RBMS3: variants seen among roughly 807,000 people sequenced by gnomAD.
RBMS3 encodes the protein RNA-binding motif, single-stranded-interacting protein 3.
Under a neutral mutation model 66.8 loss-of-function variants are expected in RBMS3, and 27 were observed. The ratio of observed to expected loss-of-function variants is 0.40; its 90% confidence interval spans 0.30 to 0.56. The LOEUF (loss-of-function observed/expected upper bound fraction) is 0.56. Ranked by LOEUF, RBMS3 falls within the 20% of genes least tolerant of loss-of-function variation. RBMS3 has a pLI of 0.40. For missense variants in RBMS3, 513 were observed against 549.5 expected (o/e 0.93, Z 0.66); for synonymous variants, 188 against 183.0 (o/e 1.03, Z -0.22).
intron 10 of RBMS3, among the ~76,000 whole-genome samples, chr3:29,919,567 T>A (rs2060717383): frequency 6.6e-6 from 1 of 152,236 alleles, no homozygotes; most frequent in African/African-American, 2.4e-5. Context: ...TGTCCCTCTA[T>A]ATTTTCAGTG....
chr3:29,306,805 T>C (rs2034044416), intron 1 of RBMS3, among the ~76,000 whole-genome samples: 1 of 151,888 alleles, frequency 6.6e-6, no homozygotes, highest in African/African-American at 2.4e-5. Context: ...CTGGAGTCTT[T>C]CTCAGTTCTT....
intron 3 of RBMS3, among the ~76,000 whole-genome samples, chr3:29,549,873 C>A (rs1271121282): frequency 6.6e-6 from 1 of 151,970 alleles, no homozygotes. Flanking sequence ...CAACAAAGTT[C>A]CCTGGCAGAT....
intron 4 of RBMS3, among the ~76,000 whole-genome samples, chr3:29,713,821 G>A (rs996051269): frequency 2.0e-5 from 3 of 152,126 alleles, no homozygotes; most frequent in Admixed American, 1.3e-4. Context: ...TTGGGAGGCC[G>A]AAGTGGGTAG....
At chr3:29,359,529 A>C (rs143049900) in intron 1 of RBMS3, among the ~76,000 whole-genome samples, 15,269 of 152,172 alleles carry the variant, frequency 0.1, 878 homozygotes, top group East Asian at 0.24. Flanking sequence ...TGTCGCTGCC[A>C]GGCTTTGGTA....
intron 3 of RBMS3, among the ~76,000 whole-genome samples, chr3:29,524,459 G>T (rs1426246405): frequency 4.3e-4 from 30 of 69,100 alleles, no homozygotes; most frequent in South Asian, 2.1e-3. Flanking sequence ...ACGGAGTTTT[G>T]CTCTGTCTCC....
At chr3:29,478,226 G>A (rs2043015350) in intron 2 of RBMS3, among the ~76,000 whole-genome samples, 1 of 151,980 alleles carries the variant, frequency 6.6e-6, no homozygotes, top group Non-Finnish European at 1.5e-5. Context: ...AGTCTATTTG[G>A]GCTACTATAG....
intron 3 of RBMS3, among the ~76,000 whole-genome samples, chr3:29,582,860 G>A (rs900069920): frequency 3.3e-5 from 5 of 152,080 alleles, no homozygotes; most frequent in African/African-American, 1.2e-4. Context: ...GTAATGCAAT[G>A]TTTATTTCTA....
chr3:29,419,127 A>G (rs1416773135), intron 1 of RBMS3, among the ~76,000 whole-genome samples: 1 of 152,164 alleles, frequency 6.6e-6, no homozygotes, highest in Non-Finnish European at 1.5e-5. Context: ...TGCTTGATCA[A>G]AAGGCCAAGA....
intron 1 of RBMS3, among the ~76,000 whole-genome samples, chr3:29,321,343 ATGT>A (rs1302312623): frequency 6.6e-6 from 1 of 152,144 alleles, no homozygotes; most frequent in Non-Finnish European, 1.5e-5. Context: ...CATTTAACAA[ATGT>A]TGTGCTCTAT....
rs547941910 is a variant in RBMS3 at position 29,826,580 on chromosome 3, C to T, written c.638-42278C>T. On this transcript the variant is annotated intron_variant, in intron 6 of 14. Coordinates refer to ENST00000383767, the MANE Select transcript of RBMS3 (RefSeq NM_001003793.3). ...AAAACAACATAATCTTAATATCTGA[C>T]AATTCCTTAGGTTAAAAGCCTGAAA... Among the ~76,000 whole-genome samples, 8 of 152,270 alleles carry T rather than the reference C, an allele frequency of 5.3e-5. No homozygotes were observed. In the East Asian group the frequency reaches 1.5e-3, roughly 29 times the overall value.
chr3:29,510,578 C>T (rs1327421964), intron 3 of RBMS3, among the ~76,000 whole-genome samples: 1 of 149,454 alleles, frequency 6.7e-6, no homozygotes, highest in Non-Finnish European at 1.5e-5. Flanking sequence ...ATTTTTTTTT[C>T]AAATCATGGA....
At chr3:29,770,340 A>G (rs888145268) in intron 6 of RBMS3, among the ~76,000 whole-genome samples, 1 of 152,028 alleles carries the variant, frequency 6.6e-6, no homozygotes, top group African/African-American at 2.4e-5. Context: ...ACATTAACAT[A>G]TTATTTCTCT....
intron 6 of RBMS3, among the ~76,000 whole-genome samples, chr3:29,827,544 T>C (rs112537749): frequency 9.1e-4 from 139 of 152,302 alleles, no homozygotes; most frequent in Non-Finnish European, 1.5e-3. Context: ...TAACCAGTTA[T>C]TCATATCTCC....
chr3:29,505,669 G>T (rs1226003534), intron 3 of RBMS3, among the ~76,000 whole-genome samples: 1 of 151,572 alleles, frequency 6.6e-6, no homozygotes, highest in East Asian at 1.9e-4. Flanking sequence ...ATTGCTTTGG[G>T]TAGTATGGGC....
intron 10 of RBMS3, among the ~76,000 whole-genome samples, chr3:29,908,148 A>G (rs961459826): frequency 6.6e-6 from 1 of 151,904 alleles, no homozygotes; most frequent in Non-Finnish European, 1.5e-5. Flanking sequence ...CTACTTGGGA[A>G]GCTGAGGTGG....
intron 6 of RBMS3, among the ~76,000 whole-genome samples, chr3:29,817,192 C>CTTTCTTTTTT (rs1553677828): frequency 1.6e-5 from 2 of 127,226 alleles, no homozygotes; most frequent in Non-Finnish European, 1.6e-5. Context: ...ATTTTCTTTT[C>CTTTCTTTTTT]TTTTTTTTTT....
At chr3:29,455,309 T>G (rs1470801420) in intron 2 of RBMS3, among the ~76,000 whole-genome samples, 1 of 152,218 alleles carries the variant, frequency 6.6e-6, no homozygotes, top group African/African-American at 2.4e-5. Flanking sequence ...ATTATGATTT[T>G]AGGGAAATTA....
chr3:29,569,425 T>C (rs2046863266), intron 3 of RBMS3, among the ~76,000 whole-genome samples: 1 of 152,066 alleles, frequency 6.6e-6, no homozygotes, highest in Non-Finnish European at 1.5e-5. Context: ...AACATATCTT[T>C]GTTGAAAAAA....
At chr3:29,773,323 A>G (rs937002086) in intron 6 of RBMS3, among the ~76,000 whole-genome samples, 7 of 152,056 alleles carry the variant, frequency 4.6e-5, no homozygotes, top group East Asian at 3.9e-4. Flanking sequence ...TACTTATTAT[A>G]TATTTAGAAA....
Sources: allele counts gnomAD v4.1 joint callset (sites outside exome capture counted in the v4.1 genomes callset), GRCh38; gene constraint gnomAD v4.1.1; transcripts MANE v1.5; gene names NCBI Gene and HGNC (gene_info 2026-07-23, HGNC 2026-07-21).